The following NXPE2 variants were observed in gnomAD, a reference collection of about 807,000 sequenced individuals.
The protein encoded by NXPE2 is NXPE family member 2.
NXPE2 carries 34 observed loss-of-function variants against 34.4 expected under a neutral mutation model. That is an observed-to-expected ratio of 0.99 (90% CI 0.75 to 1.31). The LOEUF (loss-of-function observed/expected upper bound fraction) is 1.31, where lower values mean the gene tolerates loss of function less well. NXPE2 is among the 40% of genes most tolerant of loss of function. The pLI, the probability that NXPE2 is intolerant of heterozygous loss-of-function variation, is 0.00. For missense variants in NXPE2, 649 were observed against 672.5 expected, an observed-to-expected ratio of 0.97 and a Z score of 0.39; for synonymous variants, 235 against 231.3, an observed-to-expected ratio of 1.02 and a Z score of -0.15.
At chr11:114,512,156 G>T in the NXPE2 span, among the ~76,000 whole-genome samples, 1 of 152,154 alleles carries the variant, frequency 6.6e-6, no homozygotes, top group Non-Finnish European at 1.5e-5. Flanking sequence ...TACTGTGTAT[G>T]TATAAGTTCA....
At chr11:114,601,945 A>ATTATATATAATATTATATATTGTATAT in the NXPE2 span, among the ~76,000 whole-genome samples, 1 of 71,200 alleles carries the variant, frequency 1.4e-5, no homozygotes, top group African/African-American at 5.3e-5. Flanking sequence ...ATATTATATA[A>ATTATATATAATATTATATATTGTATAT]TTATATATAA....
chr11:114,584,012 T>A, the NXPE2 span: 10 of 352,732 alleles, frequency 2.8e-5, no homozygotes, highest in South Asian at 2.7e-4. Context: ...GATGTTCCTG[T>A]CTAGTGTGGT....
At chr11:114,629,558 A>G in the NXPE2 span, among the ~76,000 whole-genome samples, 1 of 151,878 alleles carries the variant, frequency 6.6e-6, no homozygotes, top group South Asian at 2.1e-4. Flanking sequence ...ACCCACAGCC[A>G]ATATCATATT....
chr11:114,556,323 G>C, the NXPE2 span, among the ~76,000 whole-genome samples: 4 of 152,186 alleles, frequency 2.6e-5, no homozygotes, highest in African/African-American at 4.8e-5. Flanking sequence ...GTGAGCAACA[G>C]ATTAAATCTC....
At chr11:114,666,441 A>G in the NXPE2 span, among the ~76,000 whole-genome samples, 1 of 152,306 alleles carries the variant, frequency 6.6e-6, no homozygotes, top group South Asian at 2.1e-4. Context: ...GATTATTACT[A>G]TCAAAGTATA....
chr11:114,548,572 A>C, the NXPE2 span, among the ~76,000 whole-genome samples: 13 of 152,182 alleles, frequency 8.5e-5, no homozygotes, highest in Admixed American at 3.9e-4. Flanking sequence ...TCGTGACTCA[A>C]AGAAAAATAT....
chr11:114,659,115 C>T, the NXPE2 span, among the ~76,000 whole-genome samples: 1 of 152,182 alleles, frequency 6.6e-6, no homozygotes, highest in African/African-American at 2.4e-5. Context: ...AGTCAATGCT[C>T]CTCCCTACCT....
chr11:114,690,101 A>T (rs1310691258), intron 2 of NXPE2, among the ~76,000 whole-genome samples: 1 of 152,020 alleles, frequency 6.6e-6, no homozygotes, highest in Non-Finnish European at 1.5e-5. Flanking sequence ...GTTAATTGAT[A>T]ATTGATATGT....
the NXPE2 span, among the ~76,000 whole-genome samples, chr11:114,610,527 A>G: frequency 4.6e-5 from 7 of 151,702 alleles, no homozygotes; most frequent in Non-Finnish European, 8.8e-5. Flanking sequence ...AACCACTGTT[A>G]CCCGGTGGAT....
chr11:114,574,374 G>A, the NXPE2 span, among the ~76,000 whole-genome samples: 2 of 151,794 alleles, frequency 1.3e-5, no homozygotes, highest in Non-Finnish European at 2.9e-5. Flanking sequence ...AGAAGTAAAT[G>A]AAACTGAAAC....
the NXPE2 span, among the ~76,000 whole-genome samples, chr11:114,526,911 A>G: frequency 6.6e-6 from 1 of 152,184 alleles, no homozygotes; most frequent in African/African-American, 2.4e-5. Context: ...AACACTACCC[A>G]TGATCTTTAT....
chr11:114,572,367 G>T, the NXPE2 span, among the ~76,000 whole-genome samples: 6 of 152,068 alleles, frequency 3.9e-5, no homozygotes, highest in South Asian at 4.1e-4. Context: ...AAACCAAGAA[G>T]AAATCTCTGA....
At chr11:114,639,075 G>T in the NXPE2 span, among the ~76,000 whole-genome samples, 1 of 152,090 alleles carries the variant, frequency 6.6e-6, no homozygotes, top group Non-Finnish European at 1.5e-5. Context: ...CAGAGGTGGA[G>T]CCTACAGAGG....
the NXPE2 span, among the ~76,000 whole-genome samples, chr11:114,789,315 T>C: frequency 6.6e-6 from 1 of 152,172 alleles, no homozygotes; most frequent in Non-Finnish European, 1.5e-5. Context: ...TATAACTTTT[T>C]ATTTGTCCAT....
chr11:114,695,681 G>A (rs995631170), intron 2 of NXPE2, among the ~76,000 whole-genome samples: 3 of 152,032 alleles, frequency 2.0e-5, no homozygotes, highest in African/African-American at 7.2e-5. Context: ...AAACAACAGC[G>A]ACTGTCAGAA....
At chr11:114,794,118 C>T in the NXPE2 span, among the ~76,000 whole-genome samples, 1 of 152,162 alleles carries the variant, frequency 6.6e-6, no homozygotes, top group East Asian at 1.9e-4. Context: ...TTAGCACTTC[C>T]TGCTGAGTCT....
At chr11:114,543,172 A>C in the NXPE2 span, among the ~76,000 whole-genome samples, 1 of 152,052 alleles carries the variant, frequency 6.6e-6, no homozygotes, top group South Asian at 2.1e-4. Flanking sequence ...CCTGGCCAAC[A>C]TGGTGAAACT....
At chr11:114,803,156 G>A in the NXPE2 span, among the ~76,000 whole-genome samples, 10 of 152,192 alleles carry the variant, frequency 6.6e-5, no homozygotes, top group Admixed American at 5.9e-4. Context: ...TGTACACTCA[G>A]TAATTGCCTT....
At chr11:114,530,687 G>A in the NXPE2 span, 4 of 1,614,178 alleles carry the variant, frequency 2.5e-6, no homozygotes, top group Non-Finnish European at 3.4e-6. Flanking sequence ...TATCTCGAGG[G>A]TTGAGGATGG....
Sources: gnomAD v4.1 joint callset for allele counts (sites outside exome capture counted in the v4.1 genomes callset) on GRCh38, gnomAD v4.1.1 for gene constraint, MANE v1.5 for transcripts, NCBI Gene and HGNC (gene_info 2026-07-23, HGNC 2026-07-21) for gene names.